The following SEMA3D variants were observed in gnomAD, a reference collection of about 807,000 sequenced individuals.
SEMA3D encodes semaphorin-3D.
SEMA3D carries 84 observed loss-of-function variants against 100.1 expected under a neutral mutation model. The ratio of observed to expected loss-of-function variants is 0.84; its 90% CI spans 0.70 to 1.01. The LOEUF is 1.01. Among genes scored for constraint, SEMA3D ranks in the 50% least tolerant of loss-of-function variants. The pLI, the probability that SEMA3D is intolerant of heterozygous loss-of-function variation, is 0.00. For synonymous variants in SEMA3D, 312 were observed against 320.7 expected, an observed-to-expected ratio of 0.97 and a Z score of 0.29; for missense variants, 875 against 934.1, an observed-to-expected ratio of 0.94 and a Z score of 0.82.
chr7:85,250,044 T>A, the SEMA3D span, among the ~76,000 whole-genome samples: 2 of 152,070 alleles, frequency 1.3e-5, no homozygotes, highest in South Asian at 2.1e-4. Flanking sequence ...GGCGAGGCAT[T>A]GCCTCACTTG....
intron 9 of SEMA3D, among the ~76,000 whole-genome samples, chr7:85,048,155 T>G (rs1304886300): frequency 6.6e-6 from 1 of 151,874 alleles, no homozygotes; most frequent in African/African-American, 2.4e-5. Flanking sequence ...GGAAATTTAA[T>G]ACTTTTGTCT....
intron 2 of SEMA3D, among the ~76,000 whole-genome samples, chr7:85,139,660 T>C (rs1789985067): frequency 6.6e-6 from 1 of 152,072 alleles, no homozygotes; most frequent in South Asian, 2.1e-4. Context: ...TTAATATACT[T>C]CATTATTTTA....
intron 11 of SEMA3D, among the ~76,000 whole-genome samples, chr7:85,038,291 A>G (rs1790759698): frequency 6.6e-6 from 1 of 152,234 alleles, no homozygotes; most frequent in Non-Finnish European, 1.5e-5. Flanking sequence ...AATGATATTA[A>G]TGGGAACCTT....
chr7:85,210,132 T>C, the SEMA3D span, among the ~76,000 whole-genome samples: 1 of 152,100 alleles, frequency 6.6e-6, no homozygotes, highest in Non-Finnish European at 1.5e-5. Flanking sequence ...TTTTGAAGAT[T>C]CTATTATAGA....
intron 14 of SEMA3D, among the ~76,000 whole-genome samples, chr7:85,019,323 T>G (rs369587035): frequency 2.0e-5 from 3 of 151,844 alleles, no homozygotes; most frequent in African/African-American, 7.2e-5. Context: ...TTCACACTTA[T>G]GTTTGACATC....
chr7:85,007,074 A>G (rs536834300), intron 17 of SEMA3D, 133 bp from the exon 18 acceptor site: 175 of 572,786 alleles, frequency 3.1e-4, no homozygotes, highest in African/African-American at 3.0e-3. Flanking sequence ...AATTCATGTT[A>G]TAATATTGTT....
intron 3 of SEMA3D, among the ~76,000 whole-genome samples, chr7:85,118,168 A>G (rs1002112476): frequency 3.3e-5 from 5 of 152,110 alleles, no homozygotes; most frequent in Admixed American, 1.3e-4. Context: ...AATTTCAGAT[A>G]TAATTTTCAT....
chr7:85,168,617 ATTT>A (rs3076565), intron 1 of SEMA3D, among the ~76,000 whole-genome samples: 24,501 of 135,292 alleles, frequency 0.18, 2,193 homozygotes, highest in East Asian at 0.24. Context: ...GGTTTCTGCA[ATTT>A]TTTTTTTTTT....
At chr7:85,111,020 A>G (rs1361964699) in intron 3 of SEMA3D, among the ~76,000 whole-genome samples, 1 of 152,004 alleles carries the variant, frequency 6.6e-6, no homozygotes, top group Non-Finnish European at 1.5e-5. Context: ...ACCACTGATT[A>G]TCTCTTTCCT....
At chr7:85,111,904 C>G (rs373603723) in intron 3 of SEMA3D, among the ~76,000 whole-genome samples, 2 of 152,076 alleles carry the variant, frequency 1.3e-5, no homozygotes, top group South Asian at 2.1e-4. Flanking sequence ...ACTTGATGTT[C>G]TTTCTGCAAA....
intron 2 of SEMA3D, chr7:85,144,582 G>C (rs1283592811): frequency 2.0e-6 from 2 of 984,938 alleles, no homozygotes; most frequent in Admixed American, 1.2e-4. Flanking sequence ...TTTCCGTGAG[G>C]ATCTTTATCA....
intron 17 of SEMA3D, among the ~76,000 whole-genome samples, chr7:85,008,175 A>G (rs1410928909): frequency 1.3e-5 from 2 of 151,736 alleles, no homozygotes; most frequent in Non-Finnish European, 3.0e-5. Flanking sequence ...AACAGATACA[A>G]TTTTCCTGAG....
Position 84,997,726 on chromosome 7 carries a change from A to G in SEMA3D, c.*1714T>C, listed in dbSNP as rs997044711. 1.3e-5 allele frequency: 2 copies of G among 151,844 alleles called. No homozygotes were observed. Among genetic ancestry groups the G allele is most frequent in the African/African-American group, 4.9e-5 (2 of 40,784 alleles). The allele number at this position is 151,844 out of a possible 1,614,324, so 9.4% of individuals were successfully genotyped here. On this transcript the variant is annotated 3_prime_UTR_variant, in exon 19 of 19. Coordinates refer to ENST00000284136, the MANE Select transcript of SEMA3D (RefSeq NM_001384900.1). ...TTTTCTCACAGACTTTTCTTTCAAG[A>G]TATGTAGAATGCATGAGAAACGAGC...
At chr7:85,028,303 AG>A in intron 12 of SEMA3D, 1 of 709,880 alleles carries the variant, frequency 1.4e-6, no homozygotes, top group South Asian at 1.4e-5. Context: ...GGGCTATCAA[AG>A]ATGCTGGAAC....
At chr7:85,061,406 C>T (rs1265386796) in intron 8 of SEMA3D, among the ~76,000 whole-genome samples, 2 of 152,100 alleles carry the variant, frequency 1.3e-5, no homozygotes, top group East Asian at 1.9e-4. Context: ...GCCATGCACA[C>T]CTGTATCAAG....
At chr7:85,092,615 T>C (rs1788429370) in intron 4 of SEMA3D, among the ~76,000 whole-genome samples, 1 of 152,026 alleles carries the variant, frequency 6.6e-6, no homozygotes, top group South Asian at 2.1e-4. Flanking sequence ...TTATTTGATT[T>C]TTTAAAAAAT....
At chr7:85,065,353 T>A in intron 8 of SEMA3D, 71 bp downstream of exon 8, 1 of 1,349,758 alleles carries the variant, frequency 7.4e-7, no homozygotes, top group South Asian at 1.3e-5. Context: ...TTTGAATGAA[T>A]AATAATACAC....
chr7:84,996,171 T>C lies in SEMA3D; in HGVS notation c.*3269A>G, dbSNP rs1301597790. On this transcript the variant is annotated 3_prime_UTR_variant, in exon 19 of 19. Coordinates refer to ENST00000284136, the MANE Select transcript of SEMA3D (RefSeq NM_001384900.1). ...CAGTATTTAATGAATGCTCTTATTA[T>C]TTTTTGGACAGCTGAATGATATCAA... The C allele has an allele frequency of 1.3e-5, 2 of 151,992 alleles. No individual in the cohort carries two copies. The highest frequency in any genetic ancestry group is 2.9e-5 in the Non-Finnish European group (2 of 67,868). The allele number at this position is 151,992 out of a possible 1,614,324, so 9.4% of individuals were successfully genotyped here. A position where few individuals can be genotyped will look rare whatever the true frequency, so the allele number is the denominator to read the frequency against.
the SEMA3D span, among the ~76,000 whole-genome samples, chr7:85,240,928 A>G: frequency 3.3e-5 from 5 of 152,096 alleles, no homozygotes; most frequent in African/African-American, 1.2e-4. Context: ...CTGACAAAGG[A>G]CTAATATCTA....
Sources: allele counts gnomAD v4.1 joint callset (sites outside exome capture counted in the v4.1 genomes callset), GRCh38; gene constraint gnomAD v4.1.1; transcripts MANE v1.5; gene names NCBI Gene and HGNC (gene_info 2026-07-23, HGNC 2026-07-21).